SHISA9: variants seen among roughly 807,000 people sequenced by gnomAD.
The protein encoded by SHISA9 is shisa family member 9, also known as protein shisa-9.
Under a neutral mutation model 38.0 loss-of-function variants are expected in SHISA9, and 13 were observed. The observed-to-expected ratio is 0.34, with a 90% CI of 0.22 to 0.54. The LOEUF (loss-of-function observed/expected upper bound fraction) is 0.54, where lower values mean the gene tolerates loss of function less well. SHISA9 is among the 20% of genes least tolerant of loss of function. The probability of loss-of-function intolerance (pLI) is 0.91; values close to 1 mark genes in which losing one functional copy is unlikely to be tolerated. For synonymous variants in SHISA9, 275 were observed against 242.0 expected, an observed-to-expected ratio of 1.14 and a Z score of -1.27; for missense variants, 538 against 575.8, an observed-to-expected ratio of 0.93 and a Z score of 0.67.
chr16:13,463,607 G>C, the SHISA9 span, among the ~76,000 whole-genome samples: 1 of 152,194 alleles, frequency 6.6e-6, no homozygotes, highest in African/African-American at 2.4e-5. Flanking sequence ...GCATTTGTAA[G>C]TCATGAATAG....
chr16:13,232,771 G>C (rs1282477270), intron 4 of SHISA9, among the ~76,000 whole-genome samples: 3 of 152,274 alleles, frequency 2.0e-5, no homozygotes, highest in African/African-American at 7.2e-5. Context: ...CTAAAGACCT[G>C]GGATCAATAG....
At chr16:13,392,337 A>C in the SHISA9 span, among the ~76,000 whole-genome samples, 1 of 152,174 alleles carries the variant, frequency 6.6e-6, no homozygotes. Flanking sequence ...TCTATTTTTC[A>C]TGGTAAAAGT....
the SHISA9 span, among the ~76,000 whole-genome samples, chr16:13,457,945 C>T: frequency 5.9e-5 from 9 of 151,890 alleles, no homozygotes; most frequent in Middle Eastern, 3.4e-3. Context: ...TCCTTCCTTG[C>T]TTCCTTCCTT....
the SHISA9 span, among the ~76,000 whole-genome samples, chr16:13,462,777 C>T: frequency 2.0e-4 from 30 of 152,086 alleles, no homozygotes; most frequent in South Asian, 8.3e-4. Context: ...GCCTGGCCAA[C>T]ATGGTGAAAC....
chr16:13,057,216 T>G (rs547164493), intron 2 of SHISA9, among the ~76,000 whole-genome samples: 2 of 152,048 alleles, frequency 1.3e-5, no homozygotes, highest in African/African-American at 4.8e-5. Flanking sequence ...AGCCGAACAA[T>G]AGAACGTTCA....
intron 2 of SHISA9, among the ~76,000 whole-genome samples, chr16:13,042,628 G>C (rs1451768001): frequency 6.6e-6 from 1 of 152,158 alleles, no homozygotes; most frequent in Non-Finnish European, 1.5e-5. Flanking sequence ...TTGGTGTCTA[G>C]AATGTTTGTG....
At chr16:13,107,067 G>A (rs144408396) in intron 2 of SHISA9, among the ~76,000 whole-genome samples, 1 of 151,982 alleles carries the variant, frequency 6.6e-6, no homozygotes, top group Non-Finnish European at 1.5e-5. Flanking sequence ...GACAAAGGGG[G>A]TGTTTTAAAA....
chr16:13,289,887 A>G, the SHISA9 span, among the ~76,000 whole-genome samples: 23 of 152,202 alleles, frequency 1.5e-4, no homozygotes, highest in Non-Finnish European at 3.4e-4. Context: ...TATACTTTCT[A>G]ATAATATTTG....
At chr16:13,320,425 C>T in the SHISA9 span, among the ~76,000 whole-genome samples, 3 of 150,920 alleles carry the variant, frequency 2.0e-5, no homozygotes, top group African/African-American at 4.9e-5. Context: ...TCTCACCTTT[C>T]TAAACCATGG....
intron 2 of SHISA9, among the ~76,000 whole-genome samples, chr16:13,071,939 G>T (rs1189236097): frequency 6.6e-6 from 1 of 152,076 alleles, no homozygotes; most frequent in Non-Finnish European, 1.5e-5. Flanking sequence ...ACCCACCGTG[G>T]CTGGCCAAAC....
chr16:13,272,820 A>T, the SHISA9 span, among the ~76,000 whole-genome samples: 6 of 152,264 alleles, frequency 3.9e-5, no homozygotes, highest in East Asian at 7.7e-4. Context: ...TCTTCTTTAC[A>T]ATCTACCCCA....
chr16:13,209,671 G>C (rs1049643683), intron 3 of SHISA9, among the ~76,000 whole-genome samples: 1 of 152,202 alleles, frequency 6.6e-6, no homozygotes, highest in Non-Finnish European at 1.5e-5. Flanking sequence ...TCTTGTTATA[G>C]ACCGAGCCAA....
chr16:13,553,848 G>A, the SHISA9 span, among the ~76,000 whole-genome samples: 1 of 152,136 alleles, frequency 6.6e-6, no homozygotes, highest in Non-Finnish European at 1.5e-5. Context: ...TACAGGGGCT[G>A]CATAAAATCT....
chr16:13,116,175 A>G (rs1189833467), intron 2 of SHISA9, among the ~76,000 whole-genome samples: 1 of 152,184 alleles, frequency 6.6e-6, no homozygotes, highest in Non-Finnish European at 1.5e-5. Flanking sequence ...AAATGTGCAC[A>G]TAAGCTGATG....
At chr16:13,378,718 A>C in the SHISA9 span, among the ~76,000 whole-genome samples, 1 of 152,232 alleles carries the variant, frequency 6.6e-6, no homozygotes, top group Non-Finnish European at 1.5e-5. Context: ...CTATAAGTGC[A>C]GTGTCTAGCA....
chr16:13,304,513 C>T, the SHISA9 span, among the ~76,000 whole-genome samples: 13 of 152,302 alleles, frequency 8.5e-5, no homozygotes, highest in African/African-American at 3.1e-4. Context: ...CTGCCCTGGC[C>T]TCCTAAAGTG....
chr16:13,373,748 G>A, the SHISA9 span, among the ~76,000 whole-genome samples: 9 of 131,802 alleles, frequency 6.8e-5, no homozygotes, highest in East Asian at 1.2e-3. Flanking sequence ...GAGACAGAGC[G>A]AGACTCCGTC....
intron 2 of SHISA9, among the ~76,000 whole-genome samples, chr16:13,100,766 G>C (rs960439015): frequency 6.6e-6 from 1 of 152,200 alleles, no homozygotes. Flanking sequence ...GGAGTGCAGT[G>C]ATGTGATCTT....
At chr16:13,397,520 C>T in the SHISA9 span, among the ~76,000 whole-genome samples, 2 of 152,162 alleles carry the variant, frequency 1.3e-5, no homozygotes, top group African/African-American at 4.8e-5. Flanking sequence ...CTGCAATCTT[C>T]ACCTCCTGGG....
Sources: allele counts gnomAD v4.1 joint callset (sites outside exome capture counted in the v4.1 genomes callset), GRCh38; gene constraint gnomAD v4.1.1; transcripts MANE v1.5; gene names NCBI Gene and HGNC (gene_info 2026-07-23, HGNC 2026-07-21).